The following CC2D2A variants were observed in gnomAD, a reference collection of about 807,000 sequenced individuals.
The protein encoded by CC2D2A is coiled-coil and C2 domain-containing protein 2A.
A neutral mutation model predicts 212.9 loss-of-function variants in CC2D2A; 155 were observed. The observed-to-expected ratio is 0.73, with a 90% CI of 0.64 to 0.83. The LOEUF (loss-of-function observed/expected upper bound fraction) is 0.83, where lower values mean the gene tolerates loss of function less well. CC2D2A is among the 40% of genes least tolerant of loss of function. CC2D2A has a pLI of 0.00. For missense variants in CC2D2A, 1,856 were observed against 1,956.2 expected, an observed-to-expected ratio of 0.95 and a Z score of 0.97; for synonymous variants, 667 against 686.5, an observed-to-expected ratio of 0.97 and a Z score of 0.44.
intron 9 of CC2D2A, among the ~76,000 whole-genome samples, chr4:15,515,595 C>T (rs1315015227): frequency 6.6e-6 from 1 of 152,180 alleles, no homozygotes; most frequent in Non-Finnish European, 1.5e-5. Context: ...GTCTCTCATC[C>T]TATGATTTGA....
intron 9 of CC2D2A, 121 bp downstream of exon 9, chr4:15,514,990 T>A: frequency 2.5e-6 from 2 of 813,448 alleles, no homozygotes; most frequent in South Asian, 2.2e-5. Context: ...AATCTAACAA[T>A]CAAGAAATAT....
chr4:15,517,229 G>C (rs1474613602), intron 11 of CC2D2A, among the ~76,000 whole-genome samples: 19 of 151,718 alleles, frequency 1.3e-4, no homozygotes, highest in Admixed American at 1.2e-3. Context: ...TTACAGGTGT[G>C]AGCCACCGCG....
chr4:15,542,264 G>T (rs1306576200), intron 17 of CC2D2A, among the ~76,000 whole-genome samples: 2 of 152,128 alleles, frequency 1.3e-5, no homozygotes, highest in African/African-American at 4.8e-5. Context: ...AGTGTCTTCA[G>T]TCTTGCTTGT....
chr4:15,537,067 G>A lies in CC2D2A; in HGVS notation c.1755G>A (p.Arg585=). ...CGTTACAACAGTGGAAGGCCTGGAG[G>A]AAAGTGCAAGTGTGTAAACAAACAC... ...RTSLQQWKAW[R]KVQRAKKKKR... Residue 585 remains arginine, a synonymous_variant, in exon 15 of 37, where the codon AGG becomes AGA. Coordinates refer to ENST00000424120, the MANE Select transcript of CC2D2A (RefSeq NM_001378615.1). 3 of 1,613,372 alleles carry A rather than the reference G, an allele frequency of 1.9e-6. No homozygotes were observed. Among genetic ancestry groups the A allele is most frequent in the Non-Finnish European group, 2.5e-6 (3 of 1,179,506 alleles).
At chr4:15,574,468 A>G (rs1720308719) in intron 29 of CC2D2A, 142 bp downstream of exon 29, 2 of 649,058 alleles carry the variant, frequency 3.1e-6, no homozygotes, top group Non-Finnish European at 4.9e-6. Context: ...TTCAGTTTAG[A>G]TAGAATGGTG....
chr4:15,478,042 G>C (rs1483405443), intron 2 of CC2D2A, among the ~76,000 whole-genome samples: 2 of 152,162 alleles, frequency 1.3e-5, no homozygotes, highest in Non-Finnish European at 1.5e-5. Flanking sequence ...AGGGGCACTT[G>C]TGCCCCAGTC....
intron 26 of CC2D2A, among the ~76,000 whole-genome samples, chr4:15,568,914 T>C (rs536147937): frequency 6.6e-6 from 1 of 152,280 alleles, no homozygotes; most frequent in African/African-American, 2.4e-5. Flanking sequence ...AGCACCCTTC[T>C]GGGGCCCATT....
chr4:15,568,746 T>C (rs958735848), intron 26 of CC2D2A, among the ~76,000 whole-genome samples: 1 of 152,218 alleles, frequency 6.6e-6, no homozygotes, highest in Non-Finnish European at 1.5e-5. Flanking sequence ...AGAGGCACGG[T>C]TGCTCCAGGC....
At chr4:15,563,226 C>T in intron 23 of CC2D2A, 129 bp from the exon 24 acceptor site, 1 of 832,972 alleles carries the variant, frequency 1.2e-6, no homozygotes. Flanking sequence ...CTATTTCCAC[C>T]CACCTTCAAA....
At position 15,528,711 on chromosome 4, in the gene CC2D2A, A is replaced by G. The variant is rs746279803; in HGVS notation, c.1451A>G (p.Tyr484Cys). 153 of 1,604,760 alleles carry G rather than the reference A, an allele frequency of 9.5e-5. No individual in the cohort carries two copies. The highest frequency in any genetic ancestry group is 1.2e-4 in the Non-Finnish European group (142 of 1,174,040). The change falls in exon 13 of 37, where the codon TAT becomes TGT. Residue 484 changes from tyrosine to cysteine, a missense_variant. Transcript: ENST00000424120. ...LDTIQKTINEYKSEIRQTRKF... is the reference protein window; with the variant it reads ...LDTIQKTINECKSEIRQTRKF... Reference sequence around the variant, plus strand: ...ACCATCCAAAAAACCATCAATGAGTATAAATCTGAAATTCGGTGAGTAAAG... The same window carrying G: ...ACCATCCAAAAAACCATCAATGAGTGTAAATCTGAAATTCGGTGAGTAAAG...
chr4:15,550,774 G>A (rs1718956613), intron 17 of CC2D2A, 50 bp from the exon 18 acceptor site: 3 of 1,392,474 alleles, frequency 2.2e-6, no homozygotes, highest in Non-Finnish European at 2.9e-6. Context: ...CTGAGCGTGA[G>A]CACACACTAC....
chr4:15,601,148 C>T (rs1721574197), intron 36 of CC2D2A, 89 bp from the exon 37 acceptor site: 1 of 545,790 alleles, frequency 1.8e-6, no homozygotes. Context: ...AGATCCAGAA[C>T]ACTTATCTTA....
intron 2 of CC2D2A, among the ~76,000 whole-genome samples, chr4:15,477,884 G>GAAATTAT (rs1183909405): frequency 7.9e-5 from 12 of 152,200 alleles, no homozygotes; most frequent in Middle Eastern, 3.4e-3. Flanking sequence ...ATATTTCTTT[G>GAAATTAT]AAATTATATA....
chr4:15,514,915 T>C, intron 9 of CC2D2A, 46 bp downstream of exon 9: 1 of 1,567,012 alleles, frequency 6.4e-7, no homozygotes, highest in Non-Finnish European at 8.8e-7. Context: ...CATCGTCACT[T>C]ACCTTGTCAT....
At chr4:15,470,709 A>C (rs62289315) in intron 1 of CC2D2A, among the ~76,000 whole-genome samples, 2,415 of 75,158 alleles carry the variant, frequency 0.032, 30 homozygotes, top group African/African-American at 0.042. Context: ...ATATATATAT[A>C]TATATATATA....
Position 15,502,810 on chromosome 4 carries a change from T to C in CC2D2A, c.337-12T>C, listed in dbSNP as rs1467565504. The C allele has an allele frequency of 5.6e-6, 9 of 1,601,262 alleles. No homozygotes were observed. The highest frequency in any genetic ancestry group is 7.7e-6 in the Non-Finnish European group (9 of 1,173,328). On this transcript the variant is annotated splice_polypyrimidine_tract_variant and intron_variant, in intron 5 of 36. Coordinates refer to ENST00000424120, the MANE Select transcript of CC2D2A (RefSeq NM_001378615.1). ...ACATCATGTAGCAGTAAATTTCTGT[T>C]TGACTTTTTAGTCCAAAGCAGAAAG...
chr4:15,486,435 A>G lies in CC2D2A; in HGVS notation c.247+5608A>G, dbSNP rs554337183. ...TCCATTTCTTCTAGCTTTCTAGAAG[A>G]AATGTATTGGCATATAGTTGCTCAT... is the stretch of plus-strand genomic sequence containing the variant. On this transcript the variant is annotated intron_variant, in intron 4 of 36. Transcript: ENST00000424120. Among the ~76,000 whole-genome samples the G allele has an allele frequency of 6.6e-5, 10 of 152,072 alleles. No homozygotes were observed. In the South Asian group the frequency reaches 2.1e-3, roughly 31 times the overall value.
chr4:15,596,730 G>A (rs1281184848), intron 34 of CC2D2A, among the ~76,000 whole-genome samples: 1 of 152,142 alleles, frequency 6.6e-6, no homozygotes, highest in Non-Finnish European at 1.5e-5. Context: ...AAAAAGCTTT[G>A]AAGAACATTA....
intron 21 of CC2D2A, among the ~76,000 whole-genome samples, chr4:15,558,050 G>T (rs1267148545): frequency 6.6e-6 from 1 of 152,180 alleles, no homozygotes; most frequent in African/African-American, 2.4e-5. Context: ...TCAGAGGAGG[G>T]CAGATCGCAC....
Sources: gnomAD v4.1 joint callset for allele counts (sites outside exome capture counted in the v4.1 genomes callset) on GRCh38, gnomAD v4.1.1 for gene constraint, MANE v1.5 for transcripts, NCBI Gene and HGNC (gene_info 2026-07-23, HGNC 2026-07-21) for gene names.